Variants in SWAP70 observed in about 807,000 individuals in gnomAD.
The protein encoded by SWAP70 is switch-associated protein 70.
SWAP70 carries 34 observed loss-of-function variants against 80.2 expected under a neutral mutation model. That is an observed-to-expected ratio of 0.42 (90% CI 0.32 to 0.56). The LOEUF (loss-of-function observed/expected upper bound fraction) is 0.56. Ranked by LOEUF, SWAP70 falls within the 20% of genes least tolerant of loss-of-function variation. The probability of loss-of-function intolerance (pLI) is 0.09; values close to 1 mark genes in which losing one functional copy is unlikely to be tolerated. For missense variants in SWAP70, 578 were observed against 690.7 expected (o/e 0.84, Z 1.83); for synonymous variants, 239 against 238.5 (o/e 1.00, Z -0.02).
intron 7 of SWAP70, among the ~76,000 whole-genome samples, chr11:9,733,363 C>T (rs1249731973): frequency 6.6e-6 from 1 of 152,194 alleles, no homozygotes; most frequent in Non-Finnish European, 1.5e-5. Context: ...TTGCTAACCA[C>T]AAGCTCAAGG....
intron 3 of SWAP70, among the ~76,000 whole-genome samples, chr11:9,720,695 G>A (rs1429983208): frequency 1.3e-5 from 2 of 152,156 alleles, no homozygotes; most frequent in Non-Finnish European, 2.9e-5. Context: ...TCTTTTTGCT[G>A]CCTTAGGGAG....
chr11:9,674,051 C>T (rs1320937510), intron 1 of SWAP70, among the ~76,000 whole-genome samples: 1 of 152,092 alleles, frequency 6.6e-6, no homozygotes, highest in South Asian at 2.1e-4. Context: ...AGGTGTATGC[C>T]ACCATACCCG....
chr11:9,664,223 C>T lies in SWAP70; in HGVS notation c.44C>T (p.Ala15Val). The T allele has an allele frequency of 6.3e-7, 1 of 1,595,168 alleles. No individual in the cohort carries two copies. The highest frequency in any genetic ancestry group is 1.1e-5 in the South Asian group (1 of 87,732). ...KEELLKAIWHAFTALDQDHSG... is the reference protein window; with the variant it reads ...KEELLKAIWHVFTALDQDHSG... ...GAGCTGCTCAAAGCCATCTGGCACG[C>T]CTTCACCGCACTCGACCAGGACCAC... The change falls in exon 1 of 12, where the codon GCC becomes GTC. Residue 15 changes from alanine (A) to valine (V), a missense_variant. Physicochemically the swap from Ala to Val is moderately conservative, Grantham distance 64. Coordinates refer to ENST00000318950, the MANE Select transcript of SWAP70 (RefSeq NM_015055.4).
intron 2 of SWAP70, among the ~76,000 whole-genome samples, chr11:9,702,275 A>T (rs867312797): frequency 6.6e-6 from 1 of 152,304 alleles, no homozygotes; most frequent in Middle Eastern, 3.4e-3. Context: ...GCCTAACAAC[A>T]TCATTTAGTA....
At chr11:9,696,610 TAAA>T (rs1213529264) in intron 2 of SWAP70, among the ~76,000 whole-genome samples, 1 of 152,114 alleles carries the variant, frequency 6.6e-6, no homozygotes, top group African/African-American at 2.4e-5. Flanking sequence ...TGCAACTTTT[TAAA>T]AAAAGGTTTT....
At chr11:9,683,154 C>A (rs1049029482) in intron 1 of SWAP70, among the ~76,000 whole-genome samples, 1 of 152,052 alleles carries the variant, frequency 6.6e-6, no homozygotes, top group South Asian at 2.1e-4. Context: ...AATTCCAGCA[C>A]TTGTGAGGCT....
intron 1 of SWAP70, among the ~76,000 whole-genome samples, chr11:9,670,960 A>G (rs1227852784): frequency 2.7e-5 from 4 of 150,340 alleles, no homozygotes; most frequent in African/African-American, 7.3e-5. Flanking sequence ...TCACCATGTT[A>G]GCCAGGCTGG....
At chr11:9,745,987 A>G (rs770363141) in intron 9 of SWAP70, among the ~76,000 whole-genome samples, 8 of 152,234 alleles carry the variant, frequency 5.3e-5, no homozygotes, top group Non-Finnish European at 8.8e-5. Flanking sequence ...GGCCATGGGA[A>G]GAGTCCAGTG....
intron 1 of SWAP70, among the ~76,000 whole-genome samples, chr11:9,682,510 T>G (rs1463519340): frequency 2.0e-5 from 3 of 152,220 alleles, no homozygotes; most frequent in Non-Finnish European, 4.4e-5. Flanking sequence ...CTGGAGAGGT[T>G]AAGACCAGAA....
intron 3 of SWAP70, chr11:9,720,063 C>T: frequency 1.0e-6 from 1 of 985,232 alleles, no homozygotes; most frequent in African/African-American, 1.7e-5. Context: ...TGAATGAGCT[C>T]TTAGAATTGA....
At chr11:9,674,828 G>A (rs1373339135) in intron 1 of SWAP70, among the ~76,000 whole-genome samples, 1 of 151,942 alleles carries the variant, frequency 6.6e-6, no homozygotes, top group African/African-American at 2.4e-5. Context: ...AATTAGCTGG[G>A]CGTGGTGGCG....
At chr11:9,701,691 CTTTTTTTTTTTTT>C (rs1163108695) in intron 2 of SWAP70, among the ~76,000 whole-genome samples, 4 of 68,528 alleles carry the variant, frequency 5.8e-5, no homozygotes, top group East Asian at 4.6e-4. Flanking sequence ...TTTGTGGGCT[CTTTTTTTTTTTTT>C]TTTTTTTTTT....
chr11:9,671,381 AATAT>A (rs1190328327), intron 1 of SWAP70, among the ~76,000 whole-genome samples: 4 of 105,608 alleles, frequency 3.8e-5, no homozygotes, highest in Non-Finnish European at 6.8e-5. Flanking sequence ...TAAAAATAAA[AATAT>A]ATAAATATAT....
At chr11:9,744,690 T>A (rs892200909) in intron 9 of SWAP70, among the ~76,000 whole-genome samples, 3 of 152,014 alleles carry the variant, frequency 2.0e-5, no homozygotes, top group Admixed American at 1.3e-4. Flanking sequence ...GGCGGATCCC[T>A]TGAGGCTCGG....
chr11:9,702,601 T>C (rs1850847494), intron 2 of SWAP70, among the ~76,000 whole-genome samples: 1 of 152,040 alleles, frequency 6.6e-6, no homozygotes, highest in Admixed American at 6.6e-5. Context: ...TTTTTAACTT[T>C]TTTTTGCAGA....
At chr11:9,687,043 AC>A (rs565925156) in intron 1 of SWAP70, among the ~76,000 whole-genome samples, 2 of 152,196 alleles carry the variant, frequency 1.3e-5, no homozygotes, top group Non-Finnish European at 2.9e-5. Context: ...TCTTTTGATT[AC>A]TAGCAAGATT....
intron 1 of SWAP70, among the ~76,000 whole-genome samples, chr11:9,670,634 G>A (rs1850364262): frequency 6.6e-6 from 1 of 151,964 alleles, no homozygotes; most frequent in Non-Finnish European, 1.5e-5. Flanking sequence ...GAAAAGCAGA[G>A]GACCAGAAAT....
intron 1 of SWAP70, among the ~76,000 whole-genome samples, chr11:9,684,124 C>G (rs953330630): frequency 6.6e-6 from 1 of 151,964 alleles, no homozygotes; most frequent in East Asian, 1.9e-4. Flanking sequence ...CACTGTCACC[C>G]AGGCTGGAGT....
At chr11:9,724,966 T>A in intron 4 of SWAP70, 81 bp downstream of exon 4, 1 of 1,002,894 alleles carries the variant, frequency 1.0e-6, no homozygotes, top group Non-Finnish European at 1.5e-6. Flanking sequence ...CAAAGATGAG[T>A]ATAAGTCACT....
Sources: allele counts gnomAD v4.1 joint callset (sites outside exome capture counted in the v4.1 genomes callset), GRCh38; gene constraint gnomAD v4.1.1; transcripts MANE v1.5; gene names NCBI Gene and HGNC (gene_info 2026-07-23, HGNC 2026-07-21).